The following MMP16 variants were observed in gnomAD, a reference collection of about 807,000 sequenced individuals.
The protein encoded by MMP16 is matrix metallopeptidase 16.
A neutral mutation model predicts 67.8 loss-of-function variants in MMP16; 12 were observed. That is an observed-to-expected ratio of 0.18 (90% CI 0.11 to 0.29). MMP16 has a LOEUF of 0.29. Ranked by LOEUF, MMP16 falls within the 10% of genes least tolerant of loss-of-function variation. The pLI is 1.00. For synonymous variants in MMP16, 249 were observed against 255.9 expected, an observed-to-expected ratio of 0.97 and a Z score of 0.26; for missense variants, 475 against 765.7, an observed-to-expected ratio of 0.62 and a Z score of 4.48.
At position 88,258,114 on chromosome 8, in the gene MMP16, C is replaced by G. The variant is rs571727761; in HGVS notation, c.133-60808G>C. On this transcript the variant is annotated intron_variant, in intron 1 of 9. Transcript: ENST00000286614. ...AGGCTGGAGTGCAGTGGCACGATCTCTGCTCACTGCAAGCTCTGCCTCCCG... is the reference window on the plus strand; with the variant it reads ...AGGCTGGAGTGCAGTGGCACGATCTGTGCTCACTGCAAGCTCTGCCTCCCG... Among the ~76,000 whole-genome samples the G allele has an allele frequency of 3.3e-5, 5 of 151,204 alleles. No homozygotes were observed. The East Asian group carries it at 9.9e-4, about 30-fold the overall frequency.
intron 1 of MMP16, among the ~76,000 whole-genome samples, chr8:88,308,829 G>A (rs1204838307): frequency 1.3e-5 from 2 of 151,432 alleles, no homozygotes; most frequent in Non-Finnish European, 2.9e-5. Flanking sequence ...GACAGAACGG[G>A]GCCAATTTTA....
intron 5 of MMP16, among the ~76,000 whole-genome samples, chr8:88,118,213 T>G (rs1423964971): frequency 6.6e-6 from 1 of 152,088 alleles, no homozygotes. Flanking sequence ...GTCAATTTCT[T>G]GCATCTATCA....
chr8:88,107,392 G>C (rs559833663), intron 6 of MMP16, among the ~76,000 whole-genome samples: 1 of 151,028 alleles, frequency 6.6e-6, no homozygotes, highest in South Asian at 2.1e-4. Context: ...ATAATCAGGG[G>C]AAAGTAATTT....
chr8:88,122,769 A>C (rs1014696028), intron 4 of MMP16, among the ~76,000 whole-genome samples: 1 of 150,760 alleles, frequency 6.6e-6, no homozygotes, highest in Admixed American at 6.7e-5. Context: ...TCACCTCCTG[A>C]TCTCACACTC....
intron 3 of MMP16, among the ~76,000 whole-genome samples, chr8:88,169,795 A>T (rs1001591364): frequency 6.6e-6 from 1 of 152,168 alleles, no homozygotes; most frequent in Non-Finnish European, 1.5e-5. Flanking sequence ...TCAGGATATG[A>T]GATCAGAAAG....
At chr8:88,065,110 C>T (rs936953825) in intron 7 of MMP16, among the ~76,000 whole-genome samples, 2 of 152,048 alleles carry the variant, frequency 1.3e-5, no homozygotes, top group Non-Finnish European at 2.9e-5. Flanking sequence ...AGCTTGGCAT[C>T]GGGTTCACCA....
chr8:88,230,226 T>A (rs890445894), intron 1 of MMP16, among the ~76,000 whole-genome samples: 2 of 152,108 alleles, frequency 1.3e-5, no homozygotes, highest in African/African-American at 4.8e-5. Context: ...ATTCACGAGA[T>A]GCAGATGCTG....
At chr8:88,046,146 A>G (rs946283782) in intron 9 of MMP16, among the ~76,000 whole-genome samples, 3 of 152,088 alleles carry the variant, frequency 2.0e-5, no homozygotes, top group African/African-American at 7.2e-5. Flanking sequence ...AGTAAAGGGG[A>G]CAGCTCTTGG....
At chr8:88,069,285 C>T in intron 7 of MMP16, 2 of 333,618 alleles carry the variant, frequency 6.0e-6, no homozygotes, top group Non-Finnish European at 1.2e-5. Flanking sequence ...CATTTTTTTG[C>T]AGATTGATCC....
intron 2 of MMP16, among the ~76,000 whole-genome samples, chr8:88,195,344 A>G (rs547879008): frequency 5.8e-4 from 88 of 152,310 alleles, no homozygotes; most frequent in Non-Finnish European, 1.1e-3. Flanking sequence ...TTCTGGCACT[A>G]GTCAAGTTAG....
chr8:88,264,817 C>T (rs1563577856), intron 1 of MMP16, among the ~76,000 whole-genome samples: 1 of 152,236 alleles, frequency 6.6e-6, no homozygotes, highest in Non-Finnish European at 1.5e-5. Flanking sequence ...TAACACAGAG[C>T]TAATACAACA....
chr8:88,318,288 T>C (rs1177072400), intron 1 of MMP16, among the ~76,000 whole-genome samples: 1 of 152,202 alleles, frequency 6.6e-6, no homozygotes, highest in African/African-American at 2.4e-5. Context: ...ATTGTATGTG[T>C]TTAAGATTAT....
chr8:88,214,412 C>T (rs546153584), intron 1 of MMP16, among the ~76,000 whole-genome samples: 1 of 152,298 alleles, frequency 6.6e-6, no homozygotes, highest in Admixed American at 6.5e-5. Context: ...ACACACCCAA[C>T]TGCTTGTGTA....
rs534670602 is a variant in MMP16, at chr8:88,034,617, T to C, written c.*6844A>G. 1 of 152,204 alleles carries C rather than the reference T, an allele frequency of 6.6e-6. No individual in the cohort carries two copies. The highest frequency in any genetic ancestry group is 2.1e-4 in the South Asian group (1 of 4,820). The allele number at this position is 152,204 out of a possible 1,614,324, so 9.4% of individuals were successfully genotyped here. On this transcript the variant is annotated 3_prime_UTR_variant, in exon 10 of 10. Coordinates refer to ENST00000286614, the MANE Select transcript of MMP16 (RefSeq NM_005941.5). ...GACGGTATTTCAGTAATAGCAAAAA[T>C]TGTAACATTGATTTAAGGATAACGC...
chr8:88,088,755 C>T (rs1808886180), intron 6 of MMP16, among the ~76,000 whole-genome samples: 1 of 152,042 alleles, frequency 6.6e-6, no homozygotes, highest in Non-Finnish European at 1.5e-5. Flanking sequence ...GGTAAGTCCT[C>T]AACACACAAC....
chr8:88,212,146 G>A (rs1369675035), intron 1 of MMP16, among the ~76,000 whole-genome samples: 5 of 152,124 alleles, frequency 3.3e-5, no homozygotes, highest in Admixed American at 6.6e-5. Context: ...CACTCAGTGT[G>A]TAGATGGCTT....
At chr8:88,112,666 G>GGGGTGTGTGTGT (rs1554578643) in intron 6 of MMP16, among the ~76,000 whole-genome samples, 11 of 146,790 alleles carry the variant, frequency 7.5e-5, no homozygotes, top group Admixed American at 6.9e-4. Flanking sequence ...AGGACAGAAG[G>GGGGTGTGTGTGT]GTGTGTGTGT....
intron 2 of MMP16, among the ~76,000 whole-genome samples, chr8:88,189,836 T>C (rs989863277): frequency 1.3e-5 from 2 of 152,206 alleles, no homozygotes; most frequent in African/African-American, 4.8e-5. Context: ...TGTCTTATAA[T>C]GTGTATCCTG....
chr8:88,108,881 A>C (rs2118404808), intron 6 of MMP16, among the ~76,000 whole-genome samples: 1 of 151,446 alleles, frequency 6.6e-6, no homozygotes, highest in South Asian at 2.1e-4. Context: ...CCATCATTAA[A>C]GTTGTCTATT....
Sources: allele counts gnomAD v4.1 joint callset (sites outside exome capture counted in the v4.1 genomes callset), GRCh38; gene constraint gnomAD v4.1.1; transcripts MANE v1.5; gene names NCBI Gene and HGNC (gene_info 2026-07-23, HGNC 2026-07-21).